The following AKAIN1 variants were observed in gnomAD, a reference collection of about 807,000 sequenced individuals.
AKAIN1 encodes the protein A-kinase anchor inhibitor 1, also known as A-kinase anchor protein inhibitor 1.
AKAIN1 carries 3 observed loss-of-function variants against 3.7 expected under a neutral mutation model. That is an observed-to-expected ratio of 0.82 (90% CI 0.37 to 2.12). AKAIN1 has a LOEUF of 2.12. Among genes scored for constraint, AKAIN1 ranks in the 30% most tolerant of loss-of-function variants. The pLI, the probability that AKAIN1 is intolerant of heterozygous loss-of-function variation, is 0.06. For missense variants in AKAIN1, 82 were observed against 82.7 expected, an observed-to-expected ratio of 0.99 and a Z score of 0.03; for synonymous variants, 31 against 30.8, an observed-to-expected ratio of 1.01 and a Z score of -0.02.
chr18:5,186,412 A>C (rs1282675741), intron 1 of AKAIN1, among the ~76,000 whole-genome samples: 2 of 152,164 alleles, frequency 1.3e-5, no homozygotes, highest in Non-Finnish European at 2.9e-5. Flanking sequence ...TATCAGTCTA[A>C]ATAACATTCA....
intron 1 of AKAIN1, among the ~76,000 whole-genome samples, chr18:5,152,141 T>G (rs904513366): frequency 5.3e-5 from 8 of 150,618 alleles, no homozygotes; most frequent in African/African-American, 2.0e-4. Context: ...ATATAGTTAA[T>G]TAAGCATCAG....
chr18:5,190,299 T>A (rs896647352), intron 1 of AKAIN1, among the ~76,000 whole-genome samples: 12 of 152,210 alleles, frequency 7.9e-5, no homozygotes, highest in African/African-American at 2.4e-4. Flanking sequence ...TTGCAGGGGC[T>A]ATTACTATAG....
intron 1 of AKAIN1, among the ~76,000 whole-genome samples, chr18:5,167,751 T>G (rs1048805783): frequency 6.6e-6 from 1 of 152,090 alleles, no homozygotes; most frequent in East Asian, 1.9e-4. Flanking sequence ...ATAGACACCA[T>G]GTTTACTTTT....
chr18:5,174,015 C>T (rs897350631), intron 1 of AKAIN1, among the ~76,000 whole-genome samples: 2 of 152,134 alleles, frequency 1.3e-5, no homozygotes, highest in African/African-American at 4.8e-5. Context: ...CCAGAGCCCT[C>T]CCCTTGTATT....
intron 1 of AKAIN1, among the ~76,000 whole-genome samples, chr18:5,175,803 T>G (rs1046911131): frequency 6.6e-6 from 1 of 152,050 alleles, no homozygotes; most frequent in Non-Finnish European, 1.5e-5. Context: ...GCTCATAACT[T>G]TAAATTATAG....
chr18:5,180,882 C>T (rs2071253927), intron 1 of AKAIN1, among the ~76,000 whole-genome samples: 1 of 152,026 alleles, frequency 6.6e-6, no homozygotes, highest in Non-Finnish European at 1.5e-5. Context: ...CCATAGAGCC[C>T]TCCTGTCTAA....
intron 1 of AKAIN1, among the ~76,000 whole-genome samples, chr18:5,172,406 A>T (rs292325): frequency 0.05 from 7,622 of 152,176 alleles, 494 homozygotes; most frequent in African/African-American, 0.14. Context: ...AAAATATCTC[A>T]TGTAGCCCAT....
intron 1 of AKAIN1, among the ~76,000 whole-genome samples, chr18:5,191,656 A>G (rs1246109117): frequency 6.6e-6 from 1 of 152,150 alleles, no homozygotes; most frequent in Non-Finnish European, 1.5e-5. Context: ...TTATATGGAA[A>G]GGTAAAGGAA....
At chr18:5,195,103 A>G (rs1026983775) in intron 1 of AKAIN1, among the ~76,000 whole-genome samples, 9 of 151,972 alleles carry the variant, frequency 5.9e-5, no homozygotes, top group African/African-American at 2.2e-4. Flanking sequence ...TATTGTCCCA[A>G]ATGCTTATGA....
chr18:5,178,599 C>T (rs1180405045), intron 1 of AKAIN1, among the ~76,000 whole-genome samples: 1 of 152,096 alleles, frequency 6.6e-6, no homozygotes, highest in Admixed American at 6.6e-5. Context: ...ACGACATGTA[C>T]AGAGCACTTG....
At chr18:5,196,120 A>G (rs2071346098) in intron 1 of AKAIN1, among the ~76,000 whole-genome samples, 1 of 152,230 alleles carries the variant, frequency 6.6e-6, no homozygotes, top group African/African-American at 2.4e-5. Context: ...GACCCCAGGA[A>G]CAAAGCTAGA....
chr18:5,176,245 G>A (rs188806643), intron 1 of AKAIN1, among the ~76,000 whole-genome samples: 67 of 152,146 alleles, frequency 4.4e-4, no homozygotes, highest in African/African-American at 1.5e-3. Context: ...TCAAGACCAA[G>A]CTGGCCAATA....
intron 1 of AKAIN1, among the ~76,000 whole-genome samples, chr18:5,159,642 T>C (rs1438073217): frequency 2.0e-5 from 3 of 152,192 alleles, no homozygotes; most frequent in Non-Finnish European, 4.4e-5. Flanking sequence ...CATTTTTGCC[T>C]TATTTAGTGA....
intron 1 of AKAIN1, among the ~76,000 whole-genome samples, chr18:5,175,166 G>A (rs1292784476): frequency 6.6e-6 from 1 of 152,148 alleles, no homozygotes; most frequent in African/African-American, 2.4e-5. Context: ...CCTGCAGAGA[G>A]GAGATGTGTA....
intron 1 of AKAIN1, among the ~76,000 whole-genome samples, chr18:5,178,149 T>C (rs1419566335): frequency 3.3e-5 from 5 of 152,090 alleles, no homozygotes; most frequent in Non-Finnish European, 5.9e-5. Flanking sequence ...TCCACTAGCC[T>C]AACCAAAGCA....
At chr18:5,182,648 T>C (rs2071265043) in intron 1 of AKAIN1, among the ~76,000 whole-genome samples, 1 of 152,118 alleles carries the variant, frequency 6.6e-6, no homozygotes, top group South Asian at 2.1e-4. Flanking sequence ...GGAGAGACTA[T>C]AACTAGTCCA....
Position 5,145,368 on chromosome 18 carries a change from G to T in AKAIN1, c.*194C>A. 2.1e-6 allele frequency: 1 copy of T among 486,572 alleles called. No individual in the cohort carries two copies. The highest frequency in any genetic ancestry group is 1.9e-5 in the African/African-American group (1 of 52,314). The allele number at this position is 486,572 out of a possible 1,614,324, so 30.1% of individuals were successfully genotyped here. ...GGCCCCACTATGTCTCAGAGGCACT[G>T]CATAAATATGAACAGAATCGTCTAA... On this transcript the variant is annotated 3_prime_UTR_variant, in exon 2 of 2. Transcript: ENST00000434239.
At chr18:5,170,371 T>C (rs1003236747) in intron 1 of AKAIN1, among the ~76,000 whole-genome samples, 1 of 152,116 alleles carries the variant, frequency 6.6e-6, no homozygotes, top group Non-Finnish European at 1.5e-5. Flanking sequence ...ATGTGACCTG[T>C]AGTAAGCATT....
At chr18:5,149,544 C>T (rs556358881) in intron 1 of AKAIN1, among the ~76,000 whole-genome samples, 6 of 152,286 alleles carry the variant, frequency 3.9e-5, no homozygotes, top group Admixed American at 1.3e-4. Flanking sequence ...GAGCGAGCCT[C>T]GTCTCTCCAT....
Sources: gnomAD v4.1 joint callset for allele counts (sites outside exome capture counted in the v4.1 genomes callset) on GRCh38, gnomAD v4.1.1 for gene constraint, MANE v1.5 for transcripts, NCBI Gene and HGNC (gene_info 2026-07-23, HGNC 2026-07-21) for gene names.